Variants in RALGAPA1 observed in about 807,000 individuals in gnomAD.
RALGAPA1 encodes the protein ral GTPase-activating protein subunit alpha-1.
A neutral mutation model predicts 269.6 loss-of-function variants in RALGAPA1; 52 were observed. The observed-to-expected ratio is 0.19, with a 90% CI of 0.15 to 0.24. The LOEUF (loss-of-function observed/expected upper bound fraction) is 0.24, where lower values mean the gene tolerates loss of function less well. Among genes scored for constraint, RALGAPA1 ranks in the 10% least tolerant of loss-of-function variants. RALGAPA1 has a pLI of 1.00. For missense variants in RALGAPA1, 1,917 were observed against 3,013.9 expected (o/e 0.64, Z 8.52); for synonymous variants, 817 against 1,008.3 (o/e 0.81, Z 3.60).
At position 35,700,382 on chromosome 14, in the gene RALGAPA1, C is replaced by G. The variant is rs2067244999; in HGVS notation, c.2267-80G>C. 5 of 1,175,154 alleles carry G rather than the reference C, an allele frequency of 4.3e-6. No homozygotes were observed. In the South Asian group the frequency reaches 1.2e-4, roughly 27 times the overall value. The allele number at this position is 1,175,154 out of a possible 1,614,324, so 72.8% of individuals were successfully genotyped here. On this transcript the variant is annotated intron_variant, in intron 16 of 41. Transcript: ENST00000680220. ...TGAAAGGCTCGTGTCACAGAAAAAGCAGCAACAGAGAAAACTAAAAGGTAC... is the reference window on the plus strand; with the variant it reads ...TGAAAGGCTCGTGTCACAGAAAAAGGAGCAACAGAGAAAACTAAAAGGTAC...
rs746534039 is a variant in RALGAPA1, at chr14:35,762,717, G to C, written c.362C>G (p.Ser121Cys). 1 of 1,519,396 alleles carries C rather than the reference G, an allele frequency of 6.6e-7. No homozygotes were observed. The highest frequency in any genetic ancestry group is 9.1e-7 in the Non-Finnish European group (1 of 1,094,046). The allele number at this position is 1,519,396 out of a possible 1,614,324, so 94.1% of individuals were successfully genotyped here. The change falls in exon 5 of 42, where the codon TCC (serine) becomes TGC (cysteine). Residue 121 changes from serine (S) to cysteine (C), a missense_variant. By Grantham distance (112) the Ser-to-Cys change is moderately radical. Transcript: ENST00000680220. ...AAGTAAACATAGTTGTACCTTTAAG[G>C]AGTTTCCTGTGTGAAGTAGCTTCTT... ...ILKKLLHTGN[S>C]LKIRREGVRL...
At chr14:35,724,131 A>G (rs1477837331) in intron 14 of RALGAPA1, among the ~76,000 whole-genome samples, 1 of 152,152 alleles carries the variant, frequency 6.6e-6, no homozygotes, top group Non-Finnish European at 1.5e-5. Context: ...ATAGCAAGAT[A>G]AAATTTTATC....
chr14:35,664,341 C>A (rs1595042352), intron 27 of RALGAPA1, among the ~76,000 whole-genome samples: 1 of 152,154 alleles, frequency 6.6e-6, no homozygotes, highest in African/African-American at 2.4e-5. Context: ...AGAAGCTTTA[C>A]ATTAGTAGCA....
chr14:35,727,959 C>T (rs1213109945), intron 13 of RALGAPA1, among the ~76,000 whole-genome samples: 1 of 152,164 alleles, frequency 6.6e-6, no homozygotes, highest in African/African-American at 2.4e-5. Flanking sequence ...GAAAAGTAGG[C>T]AGGGCCTGAC....
Position 35,710,041 on chromosome 14 carries a change from T to C in RALGAPA1, c.2267-9739A>G, listed in dbSNP as rs1293036251. 2.0e-5 allele frequency among the ~76,000 whole-genome samples: 3 copies of C among 152,208 alleles called. No individual in the cohort carries two copies. The East Asian group carries it at 5.8e-4, about 29-fold the overall frequency. ...GCAATTTACAGATGTCATAATTAGATCCAGTTGACTGACAGTGCTATTCAC... is the reference window on the plus strand; with the variant it reads ...GCAATTTACAGATGTCATAATTAGACCCAGTTGACTGACAGTGCTATTCAC... On this transcript the variant is annotated intron_variant, in intron 16 of 41. Transcript: ENST00000680220.
At chr14:35,676,245 G>A (rs1283369860) in intron 22 of RALGAPA1, 1 of 149,422 alleles carries the variant, frequency 6.7e-6, no homozygotes, top group African/African-American at 2.5e-5. Flanking sequence ...GTCTCACTCT[G>A]TTACCCAGGT....
chr14:35,727,413 C>T lies in RALGAPA1; in HGVS notation c.1736+949G>A, dbSNP rs550576354. ...GATATTCACCAAAGGACAAACATCA[C>T]TACTATCTCTAGAGAGTGAACCTTT... On this transcript the variant is annotated intron_variant, in intron 13 of 41. Transcript: ENST00000680220. Among the ~76,000 whole-genome samples the T allele has an allele frequency of 5.2e-3, 772 of 148,190 alleles. 2 individuals are homozygous for T. The highest frequency in any genetic ancestry group is 8.4e-3 in the Non-Finnish European group (566 of 67,264).
intron 31 of RALGAPA1, among the ~76,000 whole-genome samples, chr14:35,645,349 GTGTGT>G (rs2062344742): frequency 1.6e-5 from 1 of 62,034 alleles, no homozygotes; most frequent in African/African-American, 5.7e-5. Context: ...AGAGATGGGT[GTGTGT>G]GTGTGTGTGT....
intron 33 of RALGAPA1, among the ~76,000 whole-genome samples, chr14:35,632,376 AG>A (rs958887852): frequency 6.6e-6 from 1 of 152,164 alleles, no homozygotes; most frequent in Non-Finnish European, 1.5e-5. Context: ...AACTCTATTC[AG>A]GGTTGTCTCT....
rs187564480 is a variant in RALGAPA1 at position 35,658,882 on chromosome 14, T to C, written c.5387+256A>G. Among the ~76,000 whole-genome samples the C allele has an allele frequency of 1.8e-3, 266 of 151,974 alleles. 1 individual carries two copies. Among genetic ancestry groups the C allele is most frequent in the African/African-American group, 5.9e-3 (244 of 41,514 alleles). The stretch of plus-strand genomic sequence containing the variant: ...ATAAACAAAATGTACTTAAATAAAA[T>C]AAAATTAAAACAAATCATTTTAGAG... On this transcript the variant is annotated intron_variant, in intron 28 of 41. Transcript: ENST00000680220.
intron 39 of RALGAPA1, among the ~76,000 whole-genome samples, chr14:35,550,966 G>A (rs2054944737): frequency 6.6e-6 from 1 of 152,076 alleles, no homozygotes; most frequent in South Asian, 2.1e-4. Context: ...AAATAGAAGA[G>A]GATGAAACTG....
At chr14:35,547,773 C>A (rs192401088) in intron 41 of RALGAPA1, among the ~76,000 whole-genome samples, 10 of 151,866 alleles carry the variant, frequency 6.6e-5, no homozygotes, top group African/African-American at 2.2e-4. Context: ...TGGTTTAATA[C>A]GGTTTTGTCT....
In RALGAPA1 at chr14:35,700,267, G is replaced by A; in HGVS notation, c.2302C>T (p.Pro768Ser). Residue 768 changes from proline (P) to serine (S), a missense_variant, in exon 17 of 42, where the codon CCA becomes TCA. Pro to Ser is a moderately conservative substitution (Grantham distance 74). Around this residue, in one of 11 missense-constraint regions of RALGAPA1, gnomAD observed 125 missense variants for 155.7 expected, o/e 0.80. Coordinates refer to ENST00000680220, the MANE Select transcript of RALGAPA1 (RefSeq NM_001346249.2). ...RSRSIGECAL[P>S]SAYIRSAKSA... Reference sequence around the variant, plus strand: ...TTAGCACTGCGTATATAGGCCGATGGCAGAGCACATTCACCAATGGATCGG... The same window carrying A: ...TTAGCACTGCGTATATAGGCCGATGACAGAGCACATTCACCAATGGATCGG... 1 of 1,532,356 alleles carries A rather than the reference G, an allele frequency of 6.5e-7. No homozygotes were observed. Among genetic ancestry groups the A allele is most frequent in the East Asian group, 2.5e-5 (1 of 40,714 alleles). 94.9% of individuals were successfully genotyped at this position (1,532,356 alleles called of 1,614,324 possible).
At chr14:35,665,826 A>C (rs1566954413) in intron 26 of RALGAPA1, among the ~76,000 whole-genome samples, 4 of 152,194 alleles carry the variant, frequency 2.6e-5, no homozygotes, top group Admixed American at 2.6e-4. Context: ...GTAACTGGGA[A>C]TATTCAGGTA....
At chr14:35,762,369 C>T (rs2073792076) in intron 5 of RALGAPA1, among the ~76,000 whole-genome samples, 1 of 152,142 alleles carries the variant, frequency 6.6e-6, no homozygotes, top group African/African-American at 2.4e-5. Context: ...AATTCTCCTG[C>T]TTCAGCTGCC....
rs1316431928 is a variant in RALGAPA1, at chr14:35,538,771, G to T, written c.*943C>A. On this transcript the variant is annotated 3_prime_UTR_variant, in exon 42 of 42. Coordinates refer to ENST00000680220, the MANE Select transcript of RALGAPA1 (RefSeq NM_001346249.2). Reference sequence around the variant, plus strand: ...CATCTTCTTTTTGGTGCTTAAAAAAGAACATAGAAACACCAGGATCTAGCA... The same window carrying T: ...CATCTTCTTTTTGGTGCTTAAAAAATAACATAGAAACACCAGGATCTAGCA... The T allele has an allele frequency of 6.7e-6, 1 of 149,042 alleles. No individual in the cohort carries two copies. Among genetic ancestry groups the T allele is most frequent in the Non-Finnish European group, 1.5e-5 (1 of 67,434 alleles). 9.2% of individuals were successfully genotyped at this position (149,042 alleles called of 1,614,324 possible). A position where few individuals can be genotyped will look rare whatever the true frequency, so the allele number is the denominator to read the frequency against.
intron 17 of RALGAPA1, among the ~76,000 whole-genome samples, chr14:35,691,128 C>G (rs1254919521): frequency 6.6e-6 from 1 of 150,972 alleles, no homozygotes; most frequent in African/African-American, 2.4e-5. Context: ...CAGAGATTAT[C>G]TAATTTAACT....
At chr14:35,570,802 G>C in intron 38 of RALGAPA1, 58 bp from the exon 39 acceptor site, 4 of 1,486,886 alleles carry the variant, frequency 2.7e-6, no homozygotes, top group Non-Finnish European at 3.6e-6. Context: ...TTGTAAATAA[G>C]AGCAATCAAG....
At chr14:35,807,767 T>G (rs1342397779) in intron 1 of RALGAPA1, 1 of 152,222 alleles carries the variant, frequency 6.6e-6, no homozygotes, top group Non-Finnish European at 1.5e-5. Flanking sequence ...ATAAGGGACT[T>G]ACTTTTTTCA....
Sources: allele counts gnomAD v4.1 joint callset (sites outside exome capture counted in the v4.1 genomes callset), GRCh38; gene constraint gnomAD v4.1.1; regional missense constraint gnomAD v4.1.1; transcripts MANE v1.5; gene names NCBI Gene and HGNC (gene_info 2026-07-23, HGNC 2026-07-21).